Variants in PMFBP1 observed in about 807,000 individuals in gnomAD.
PMFBP1 encodes the protein polyamine modulated factor 1 binding protein 1.
A neutral mutation model predicts 137.8 loss-of-function variants in PMFBP1; 131 were observed. That is an observed-to-expected ratio of 0.95 (90% CI 0.82 to 1.10). The LOEUF (loss-of-function observed/expected upper bound fraction) is 1.10, where lower values mean the gene tolerates loss of function less well. PMFBP1 is among the 50% of genes least tolerant of loss of function. The pLI is 0.00. For synonymous variants in PMFBP1, 490 were observed against 450.4 expected (o/e 1.09, Z -1.11); for missense variants, 1,199 against 1,175.4 (o/e 1.02, Z -0.29).
At chr16:72,153,976 A>G (rs899231876) in intron 4 of PMFBP1, among the ~76,000 whole-genome samples, 1 of 147,374 alleles carries the variant, frequency 6.8e-6, no homozygotes, top group African/African-American at 2.5e-5. Context: ...CTGCACACAC[A>G]CTCCACATAT....
chr16:72,160,299 T>C (rs969220218), intron 3 of PMFBP1, among the ~76,000 whole-genome samples: 7 of 152,258 alleles, frequency 4.6e-5, no homozygotes, highest in Non-Finnish European at 1.0e-4. Context: ...AGGTCTATAA[T>C]TACCGGGATT....
At chr16:72,156,622 A>C (rs75196811) in intron 3 of PMFBP1, among the ~76,000 whole-genome samples, 1 of 128,206 alleles carries the variant, frequency 7.8e-6, no homozygotes, top group African/African-American at 3.4e-5. Context: ...TCTGTCTCAG[A>C]AAAAAAAAAA....
the PMFBP1 span, among the ~76,000 whole-genome samples, chr16:72,220,549 C>G: frequency 5.9e-5 from 9 of 152,234 alleles, no homozygotes; most frequent in African/African-American, 1.9e-4. Flanking sequence ...TTGATAAATT[C>G]TTTTGCATTT....
upstream of PMFBP1, among the ~76,000 whole-genome samples, chr16:72,173,061 A>AG (rs1170295634): frequency 3.3e-5 from 5 of 152,376 alleles, no homozygotes; most frequent in South Asian, 4.1e-4. Flanking sequence ...ACAGGATTCT[A>AG]GGCCACCAAG....
At chr16:72,143,903 T>A (rs533312177) in intron 5 of PMFBP1, among the ~76,000 whole-genome samples, 2 of 152,038 alleles carry the variant, frequency 1.3e-5, no homozygotes, top group African/African-American at 2.4e-5. Context: ...TAGCCAGGCC[T>A]GGTGGCACAT....
chr16:72,128,955 C>T, intron 13 of PMFBP1, 111 bp downstream of exon 13: 5 of 1,516,502 alleles, frequency 3.3e-6, no homozygotes, highest in South Asian at 1.3e-5. Flanking sequence ...CTGTCCCTCC[C>T]GTCTTTCCTA....
chr16:72,119,403 C>T (rs762024048), intron 20 of PMFBP1, 49 bp from the exon 21 acceptor site: 22 of 1,613,912 alleles, frequency 1.4e-5, no homozygotes, highest in Non-Finnish European at 1.5e-5. Flanking sequence ...GAGAAATTAA[C>T]GAGGTGATTC....
At chr16:72,144,684 T>A (rs1197601178) in intron 5 of PMFBP1, among the ~76,000 whole-genome samples, 1 of 152,124 alleles carries the variant, frequency 6.6e-6, no homozygotes, top group Non-Finnish European at 1.5e-5. Flanking sequence ...TACAATAAAC[T>A]TTTATAATCC....
chr16:72,186,376 T>A, the PMFBP1 span, among the ~76,000 whole-genome samples: 1 of 152,190 alleles, frequency 6.6e-6, no homozygotes, highest in Admixed American at 6.5e-5. Context: ...ATAGTTGCAT[T>A]TGATCCTACT....
At chr16:72,199,079 T>A in the PMFBP1 span, among the ~76,000 whole-genome samples, 2 of 152,328 alleles carry the variant, frequency 1.3e-5, no homozygotes, top group East Asian at 3.9e-4. Context: ...GTGGCTGTGC[T>A]GTTGCAGGGA....
intron 1 of PMFBP1, 180 bp from the exon 2 acceptor site, chr16:72,171,448 T>C (rs1043239346): frequency 7.9e-6 from 4 of 508,534 alleles, no homozygotes; most frequent in African/African-American, 7.6e-5. Flanking sequence ...AACCTCCAGA[T>C]GGCAGGACCA....
At chr16:72,166,302 T>C (rs1227258857) in intron 2 of PMFBP1, among the ~76,000 whole-genome samples, 6 of 152,114 alleles carry the variant, frequency 3.9e-5, no homozygotes, top group African/African-American at 1.4e-4. Context: ...TTTAAAAGTG[T>C]GGCACTTCCC....
intron 10 of PMFBP1, among the ~76,000 whole-genome samples, chr16:72,131,670 G>A (rs1270607296): frequency 6.6e-6 from 1 of 152,136 alleles, no homozygotes; most frequent in Non-Finnish European, 1.5e-5. Context: ...GAACAATGGG[G>A]AGGTTTGTGG....
chr16:72,216,270 T>C, the PMFBP1 span, among the ~76,000 whole-genome samples: 7 of 152,236 alleles, frequency 4.6e-5, no homozygotes, highest in African/African-American at 1.7e-4. Context: ...GGATGAACTT[T>C]CCATTAGGCA....
upstream of PMFBP1, among the ~76,000 whole-genome samples, chr16:72,179,295 T>C (rs1009913050): frequency 6.6e-6 from 1 of 152,210 alleles, no homozygotes; most frequent in Non-Finnish European, 1.5e-5. Flanking sequence ...CCTGGTGCTA[T>C]GGGAAACACA....
intron 3 of PMFBP1, among the ~76,000 whole-genome samples, chr16:72,160,162 T>C (rs1240196309): frequency 5.9e-5 from 9 of 152,366 alleles, no homozygotes; most frequent in African/African-American, 1.2e-4. Context: ...AGGAAATTAA[T>C]TGGCCTGGCA....
chr16:72,117,334 C>A (rs2042318302), downstream of PMFBP1, among the ~76,000 whole-genome samples: 4 of 152,066 alleles, frequency 2.6e-5, no homozygotes, highest in Admixed American at 2.6e-4. Context: ...ACCTGCAACT[C>A]ATTTTTGTGT....
chr16:72,129,301 C>T, intron 12 of PMFBP1, 68 bp from the exon 13 acceptor site: 1 of 1,516,460 alleles, frequency 6.6e-7, no homozygotes, highest in South Asian at 1.2e-5. Context: ...AAAATACAGA[C>T]AATTGCACAC....
chr16:72,237,387 G>C, the PMFBP1 span, among the ~76,000 whole-genome samples: 1 of 152,050 alleles, frequency 6.6e-6, no homozygotes. Flanking sequence ...GGTTTGGCCT[G>C]CTTTCCATAG....
Sources: allele counts gnomAD v4.1 joint callset (sites outside exome capture counted in the v4.1 genomes callset), GRCh38; gene constraint gnomAD v4.1.1; transcripts MANE v1.5; gene names NCBI Gene and HGNC (gene_info 2026-07-23, HGNC 2026-07-21).